Variants in GPC5 observed in about 807,000 individuals in gnomAD.
GPC5 encodes glypican-5.
GPC5 carries 47 observed loss-of-function variants against 53.9 expected under a neutral mutation model. That is an observed-to-expected ratio of 0.87 (90% CI 0.69 to 1.11). The LOEUF is 1.11. GPC5 is among the 50% of genes most tolerant of loss of function. The probability of loss-of-function intolerance (pLI) is 0.00; values close to 1 mark genes in which losing one functional copy is unlikely to be tolerated. For synonymous variants in GPC5, 286 were observed against 263.3 expected, an observed-to-expected ratio of 1.09 and a Z score of -0.84; for missense variants, 748 against 713.1, an observed-to-expected ratio of 1.05 and a Z score of -0.56.
intron 6 of GPC5, among the ~76,000 whole-genome samples, chr13:92,043,092 T>C (rs1279530096): frequency 2.0e-5 from 3 of 151,956 alleles, no homozygotes; most frequent in Admixed American, 6.6e-5. Flanking sequence ...GAAAAAACTA[T>C]GAAGGAAAAT....
chr13:92,279,707 C>T (rs762424567), intron 7 of GPC5, among the ~76,000 whole-genome samples: 3 of 151,966 alleles, frequency 2.0e-5, no homozygotes, highest in Non-Finnish European at 4.4e-5. Context: ...TCTAAAAATA[C>T]ATTGTGTTAC....
At chr13:91,729,362 G>C (rs2036645512) in intron 4 of GPC5, among the ~76,000 whole-genome samples, 1 of 152,160 alleles carries the variant, frequency 6.6e-6, no homozygotes. Context: ...TATTATATGT[G>C]TGTGTGTTTA....
At chr13:91,552,701 G>A (rs984973631) in intron 2 of GPC5, among the ~76,000 whole-genome samples, 2 of 152,068 alleles carry the variant, frequency 1.3e-5, no homozygotes, top group African/African-American at 4.8e-5. Flanking sequence ...GCCTTTAAGG[G>A]GTTTTCCACC....
intron 7 of GPC5, among the ~76,000 whole-genome samples, chr13:92,713,924 A>C (rs4643170): frequency 0.53 from 80,055 of 151,922 alleles, 21,856 homozygotes; most frequent in East Asian, 0.84. Context: ...GCTGTAACAG[A>C]CTTTGTTCCC....
At chr13:91,980,097 A>G (rs999088188) in intron 6 of GPC5, among the ~76,000 whole-genome samples, 1 of 152,170 alleles carries the variant, frequency 6.6e-6, no homozygotes, top group Non-Finnish European at 1.5e-5. Flanking sequence ...GATTGGAGGG[A>G]AAAAAAGCTT....
chr13:92,049,726 G>T (rs2041012194), intron 6 of GPC5, among the ~76,000 whole-genome samples: 1 of 151,974 alleles, frequency 6.6e-6, no homozygotes, highest in South Asian at 2.1e-4. Context: ...TTATAATTTG[G>T]GATGCTAGAT....
intron 6 of GPC5, among the ~76,000 whole-genome samples, chr13:91,970,430 G>GCC (rs200932010): frequency 5.5e-4 from 83 of 150,622 alleles, no homozygotes; most frequent in African/African-American, 1.9e-3. Flanking sequence ...GGAGTAGATT[G>GCC]CCCCCCCCTC....
chr13:91,905,077 T>C (rs1335542821), intron 5 of GPC5, among the ~76,000 whole-genome samples: 2 of 152,060 alleles, frequency 1.3e-5, no homozygotes, highest in Non-Finnish European at 2.9e-5. Flanking sequence ...CCAAAAGATG[T>C]TTATCATGAA....
intron 2 of GPC5, among the ~76,000 whole-genome samples, chr13:91,589,143 C>G (rs776926519): frequency 1.2e-4 from 18 of 152,216 alleles, no homozygotes; most frequent in Non-Finnish European, 2.2e-4. Flanking sequence ...CTTTGACCGT[C>G]TCTTCCTACC....
rs1402807474 is a variant in GPC5 at position 92,280,760 on chromosome 13, C to CG, written c.1561+135777dup. Among the ~76,000 whole-genome samples the CG allele has an allele frequency of 3.3e-5, 5 of 151,848 alleles. No homozygotes were observed. The South Asian group carries it at 6.2e-4, about 19-fold the overall frequency. On this transcript the variant is annotated intron_variant, in intron 7 of 7. Transcript: ENST00000377067. ...TCTTATAAGAAAATATGACGGGGTGCGGGGGGCGGTTGCAAGATGGCCTAA... is the reference window on the plus strand; with the variant it reads ...TCTTATAAGAAAATATGACGGGGTGCGGGGGGGCGGTTGCAAGATGGCCTAA...
intron 7 of GPC5, among the ~76,000 whole-genome samples, chr13:92,408,653 C>CACACAT (rs1555333402): frequency 0.064 from 9,430 of 146,992 alleles, 317 homozygotes; most frequent in Admixed American, 0.094. Context: ...CACACACACA[C>CACACAT]ATATAATACA....
In GPC5 at chr13:92,659,517, C is replaced by T. The variant is rs190006025; in HGVS notation, c.1562-206765C>T. On this transcript the variant is annotated intron_variant, in intron 7 of 7. Transcript: ENST00000377067. Reference sequence around the variant, plus strand: ...AGAAAACTCTGAGGAACAACTGGTCCATATATCCTGCTGCTTACTAGATGT... The same window carrying T: ...AGAAAACTCTGAGGAACAACTGGTCTATATATCCTGCTGCTTACTAGATGT... 3.3e-5 allele frequency among the ~76,000 whole-genome samples: 5 copies of T among 151,742 alleles called. No homozygotes were observed. The East Asian group carries it at 7.8e-4, about 24-fold the overall frequency.
intron 2 of GPC5, among the ~76,000 whole-genome samples, chr13:91,561,384 G>T (rs1156780841): frequency 6.6e-6 from 1 of 152,124 alleles, no homozygotes; most frequent in East Asian, 1.9e-4. Flanking sequence ...GGGAACTGAA[G>T]ATGTCAATGC....
chr13:92,506,000 G>A (rs922869725), intron 7 of GPC5, among the ~76,000 whole-genome samples: 7 of 152,078 alleles, frequency 4.6e-5, no homozygotes, highest in African/African-American at 1.7e-4. Context: ...GAGAGAATGG[G>A]GGAATGGAAT....
intron 2 of GPC5, among the ~76,000 whole-genome samples, chr13:91,456,212 G>C (rs1881537522): frequency 6.6e-6 from 1 of 152,106 alleles, no homozygotes; most frequent in African/African-American, 2.4e-5. Flanking sequence ...TTGTCTGTTA[G>C]ATATTTTGGG....
chr13:92,064,564 T>C (rs1594749711), intron 6 of GPC5, among the ~76,000 whole-genome samples: 1 of 152,080 alleles, frequency 6.6e-6, no homozygotes, highest in Non-Finnish European at 1.5e-5. Flanking sequence ...GAGACCAGCC[T>C]GACCAACATG....
At chr13:92,613,309 G>C (rs1169500102) in intron 7 of GPC5, among the ~76,000 whole-genome samples, 2 of 95,706 alleles carry the variant, frequency 2.1e-5, no homozygotes, top group South Asian at 6.0e-4. Flanking sequence ...AATATATAAT[G>C]TATATAATAA....
chr13:92,258,904 G>A (rs2042745636), intron 7 of GPC5, among the ~76,000 whole-genome samples: 2 of 152,162 alleles, frequency 1.3e-5, no homozygotes, highest in Non-Finnish European at 2.9e-5. Context: ...GATCATGCCT[G>A]TAAAGAGAGT....
At position 91,532,758 on chromosome 13, in the gene GPC5, C is replaced by T. The variant is rs189521836; in HGVS notation, c.325+83836C>T. The stretch of plus-strand genomic sequence containing the variant: ...GTGCGCACCTGTGGTTCCAGCTACT[C>T]GGGAGGCTGACGTGGGAGGATCACT... On this transcript the variant is annotated intron_variant, in intron 2 of 7. Coordinates refer to ENST00000377067, the MANE Select transcript of GPC5 (RefSeq NM_004466.6). Among the ~76,000 whole-genome samples the T allele has an allele frequency of 5.9e-5, 9 of 152,038 alleles. No individual in the cohort carries two copies. In the East Asian group the frequency reaches 1.2e-3, roughly 20 times the overall value.
Sources: gnomAD v4.1 joint callset for allele counts (sites outside exome capture counted in the v4.1 genomes callset) on GRCh38, gnomAD v4.1.1 for gene constraint, MANE v1.5 for transcripts, NCBI Gene and HGNC (gene_info 2026-07-23, HGNC 2026-07-21) for gene names.